The following EFCAB13 variants were observed in gnomAD, a reference collection of about 807,000 sequenced individuals.
EFCAB13 encodes EF-hand calcium-binding domain-containing protein 13.
A neutral mutation model predicts 110.2 loss-of-function variants in EFCAB13; 91 were observed. The observed-to-expected ratio is 0.83, with a 90% CI of 0.70 to 0.98. The LOEUF (loss-of-function observed/expected upper bound fraction) is 0.98. Ranked by LOEUF, EFCAB13 falls within the 50% of genes least tolerant of loss-of-function variation. The pLI, the probability that EFCAB13 is intolerant of heterozygous loss-of-function variation, is 0.00. For synonymous variants in EFCAB13, 323 were observed against 369.9 expected (o/e 0.87, Z 1.45); for missense variants, 968 against 1,119.4 (o/e 0.86, Z 1.93).
chr17:47,374,059 A>G (rs571830713), intron 11 of EFCAB13, among the ~76,000 whole-genome samples: 1 of 152,238 alleles, frequency 6.6e-6, no homozygotes, highest in East Asian at 1.9e-4. Flanking sequence ...TATTTAGGAG[A>G]GTAATTACTT....
At chr17:47,375,477 T>C (rs970869995) in intron 12 of EFCAB13, among the ~76,000 whole-genome samples, 1 of 148,654 alleles carries the variant, frequency 6.7e-6, no homozygotes, top group Non-Finnish European at 1.5e-5. Flanking sequence ...TTTTTTTTCA[T>C]AGAGACGGGG....
intron 17 of EFCAB13, among the ~76,000 whole-genome samples, chr17:47,397,455 G>C (rs867367695): frequency 9.7e-6 from 1 of 102,636 alleles, no homozygotes; most frequent in Non-Finnish European, 2.0e-5. Flanking sequence ...AGTGAGGAGC[G>C]TCTCTGCCTG....
At chr17:47,359,289 G>A (rs376851124) in intron 9 of EFCAB13, among the ~76,000 whole-genome samples, 4 of 152,034 alleles carry the variant, frequency 2.6e-5, no homozygotes, top group Non-Finnish European at 4.4e-5. Context: ...AGCCGAGATC[G>A]TGTGATTGCA....
At chr17:47,366,494 G>T (rs990599791) in intron 10 of EFCAB13, among the ~76,000 whole-genome samples, 7 of 152,090 alleles carry the variant, frequency 4.6e-5, no homozygotes, top group Non-Finnish European at 1.0e-4. Context: ...TTGCATATAT[G>T]ACCTTAATAA....
intron 9 of EFCAB13, among the ~76,000 whole-genome samples, chr17:47,354,114 C>T (rs1371264226): frequency 6.6e-6 from 1 of 152,004 alleles, no homozygotes; most frequent in Non-Finnish European, 1.5e-5. Flanking sequence ...TTTAAATTTC[C>T]ATCTTGATTT....
chr17:47,386,736 T>G (rs949905458), intron 14 of EFCAB13, among the ~76,000 whole-genome samples: 1 of 152,122 alleles, frequency 6.6e-6, no homozygotes, highest in Non-Finnish European at 1.5e-5. Context: ...CCCAGTTTTA[T>G]GCTTGAAACC....
rs1179169450 is a variant in EFCAB13, at chr17:47,374,675, A to G, written c.1081A>G (p.Lys361Glu). 6.2e-7 allele frequency: 1 copy of G among 1,612,172 alleles called. No individual in the cohort carries two copies. The highest frequency in any genetic ancestry group is 8.5e-7 in the Non-Finnish European group (1 of 1,179,612). Residue 361 changes from lysine (K) to glutamate (E), a missense_variant, in exon 12 of 25, where the codon AAA becomes GAA. By Grantham distance (56) the Lys-to-Glu change is moderately conservative (BLOSUM62 1). Coordinates refer to ENST00000331493, the MANE Select transcript of EFCAB13 (RefSeq NM_152347.5). Reference sequence around the variant, plus strand: ...TGATGACCTTGAATCTAAAAGACCAAAAAATACTTGGCAAATAAGAAAATT... The same window carrying G: ...TGATGACCTTGAATCTAAAAGACCAGAAAATACTTGGCAAATAAGAAAATT... ...ENDDLESKRP[K>E]NTWQIRKFLG...
chr17:47,412,786 T>A lies in EFCAB13; in HGVS notation c.2292T>A (p.Ala764=). 1 of 1,613,434 alleles carries A rather than the reference T, an allele frequency of 6.2e-7. No individual in the cohort carries two copies. Among genetic ancestry groups the A allele is most frequent in the African/African-American group, 1.3e-5 (1 of 75,032 alleles). ...KLPKVNEIKE[A]ANILSHVDNG... ...TTATCTTTGTAGAGATTAAAGAAGC[T>A]GCTAACATCTTGTCACATGTCGATA... The change falls in exon 22 of 25, where the codon GCT becomes GCA. Residue 764 remains alanine (A), a synonymous_variant. Coordinates refer to ENST00000331493, the MANE Select transcript of EFCAB13 (RefSeq NM_152347.5).
intron 11 of EFCAB13, among the ~76,000 whole-genome samples, chr17:47,370,810 T>G (rs1289824284): frequency 1.3e-5 from 2 of 150,020 alleles, no homozygotes; most frequent in Admixed American, 1.3e-4. Context: ...GGTGCGATCT[T>G]GGCTCACTGC....
chr17:47,387,335 G>A (rs970696738), intron 14 of EFCAB13, among the ~76,000 whole-genome samples: 2 of 152,186 alleles, frequency 1.3e-5, no homozygotes, highest in African/African-American at 4.8e-5. Flanking sequence ...GATCTAGAGT[G>A]TAGTTTAACT....
At chr17:47,357,034 C>G (rs2065484592) in intron 9 of EFCAB13, among the ~76,000 whole-genome samples, 1 of 152,212 alleles carries the variant, frequency 6.6e-6, no homozygotes, top group Non-Finnish European at 1.5e-5. Flanking sequence ...AGGCCTCACC[C>G]AGCTTCCACG....
At chr17:47,361,590 T>G (rs1389881948) in intron 10 of EFCAB13, 69 bp downstream of exon 10, 20 of 1,341,338 alleles carry the variant, frequency 1.5e-5, no homozygotes, top group African/African-American at 1.0e-4. Context: ...TTTTTCCGGA[T>G]ATCAATTTTG....
rs780508783 is a variant in EFCAB13 at position 47,391,524 on chromosome 17, G to A, written c.1670G>A (p.Gly557Asp). The A allele has an allele frequency of 3.1e-6, 5 of 1,592,870 alleles. No individual in the cohort carries two copies. The African/African-American group carries it at 4.1e-5, about 13-fold the overall frequency. The change falls in exon 15 of 25, where the codon GGT becomes GAT. Residue 557 changes from glycine to aspartate, a missense_variant. Transcript: ENST00000331493. ...EDLNTCLQNF[G>D]IYLSKPEFKK... is the part of the protein sequence containing the mutation. ...CTAAATACTTGTCTTCAAAATTTTG[G>A]TATTTACCTTTCTAAGCCAGAATTT...
At chr17:47,402,322 G>A in intron 18 of EFCAB13, 119 bp downstream of exon 18, 1 of 906,162 alleles carries the variant, frequency 1.1e-6, no homozygotes, top group Non-Finnish European at 1.7e-6. Context: ...GCATTGATAT[G>A]TTTATACGCA....
At chr17:47,386,033 G>C (rs899878240) in intron 14 of EFCAB13, among the ~76,000 whole-genome samples, 2 of 152,178 alleles carry the variant, frequency 1.3e-5, no homozygotes, top group Non-Finnish European at 2.9e-5. Flanking sequence ...GCTGATGCCA[G>C]CCAGAGCTCT....
chr17:47,324,765 C>T lies in EFCAB13; in HGVS notation c.-248+242C>T, dbSNP rs181167491. On this transcript the variant is annotated intron_variant, in intron 2 of 24. Transcript: ENST00000331493. Reference sequence around the variant, plus strand: ...ACAGAGTCATGCTTCAGTGAAGACGCCTTTGTTTTTCTCATCTTAAAGCCT... The same window carrying T: ...ACAGAGTCATGCTTCAGTGAAGACGTCTTTGTTTTTCTCATCTTAAAGCCT... Among the ~76,000 whole-genome samples, 355 of 151,776 alleles carry T rather than the reference C, an allele frequency of 2.3e-3. 1 individual carries two copies. The highest frequency in any genetic ancestry group is 0.017 in the Middle Eastern group (5 of 292).
chr17:47,393,844 T>C (rs2065722874), intron 15 of EFCAB13, among the ~76,000 whole-genome samples, 181 bp from the exon 16 acceptor site: 1 of 151,754 alleles, frequency 6.6e-6, no homozygotes, highest in Admixed American at 6.6e-5. Context: ...TTTTTCAGCG[T>C]TTACTTCTCT....
Position 47,361,587 on chromosome 17 carries a change from G to A in EFCAB13, c.805+66G>A, listed in dbSNP as rs533662755. 131 of 1,353,998 alleles carry A rather than the reference G, an allele frequency of 9.7e-5. No homozygotes were observed. In the African/African-American group the frequency reaches 1.4e-3, roughly 15 times the overall value. 83.9% of individuals were successfully genotyped at this position (1,353,998 alleles called of 1,614,324 possible). Reference sequence around the variant, plus strand: ...TGCATATATTTATACATTTTTTTCCGGATATCAATTTTGTGATCTGTCCTT... The same window carrying A: ...TGCATATATTTATACATTTTTTTCCAGATATCAATTTTGTGATCTGTCCTT... On this transcript the variant is annotated intron_variant, in intron 10 of 24. Coordinates refer to ENST00000331493, the MANE Select transcript of EFCAB13 (RefSeq NM_152347.5).
intron 14 of EFCAB13, among the ~76,000 whole-genome samples, chr17:47,390,933 T>TATCC (rs1195174574): frequency 6.6e-6 from 1 of 151,864 alleles, no homozygotes; most frequent in Non-Finnish European, 1.5e-5. Flanking sequence ...TCTATCTGTC[T>TATCC]ATCTATCTAT....
Sources: gnomAD v4.1 joint callset for allele counts (sites outside exome capture counted in the v4.1 genomes callset) on GRCh38, gnomAD v4.1.1 for gene constraint, MANE v1.5 for transcripts, NCBI Gene and HGNC (gene_info 2026-07-23, HGNC 2026-07-21) for gene names.